Variants in PATL2 observed in about 807,000 individuals in gnomAD.
PATL2 encodes PAT1 homolog 2, also known as protein PAT1 homolog 2.
In PATL2, 73 loss-of-function variants were observed where a neutral mutation model predicts 77.0. The ratio of observed to expected loss-of-function variants is 0.95; its 90% CI spans 0.78 to 1.15. PATL2 has a LOEUF of 1.15. Among genes scored for constraint, PATL2 ranks in the 50% most tolerant of loss-of-function variants. The pLI, the probability that PATL2 is intolerant of heterozygous loss-of-function variation, is 0.00. For missense variants in PATL2, 618 were observed against 655.4 expected, an observed-to-expected ratio of 0.94 and a Z score of 0.62; for synonymous variants, 265 against 257.1, an observed-to-expected ratio of 1.03 and a Z score of -0.29.
At chr15:44,699,948 G>A (rs561892030) in intron 3 of PATL2, among the ~76,000 whole-genome samples, 1 of 152,200 alleles carries the variant, frequency 6.6e-6, no homozygotes, top group South Asian at 2.1e-4. Context: ...CTTCAGTTTT[G>A]TTCTTTTTGC....
chr15:44,673,143 CTG>C, intron 7 of PATL2, 90 bp downstream of exon 7: 1 of 1,421,562 alleles, frequency 7.0e-7, no homozygotes, highest in Non-Finnish European at 9.5e-7. Flanking sequence ...TACTAGTTTT[CTG>C]TGTTTCCCTG....
At chr15:44,696,503 A>G (rs938813035) in intron 3 of PATL2, among the ~76,000 whole-genome samples, 4 of 152,186 alleles carry the variant, frequency 2.6e-5, no homozygotes, top group African/African-American at 9.7e-5. Flanking sequence ...TCAAGCTTAT[A>G]TAATTTTCCC....
rs1442155718 is a variant in PATL2 at position 44,666,474 on chromosome 15, G to A, written c.1531C>T (p.Leu511=). The A allele has an allele frequency of 1.9e-6, 3 of 1,551,576 alleles. No individual in the cohort carries two copies. Among genetic ancestry groups the A allele is most frequent in the African/African-American group, 1.4e-5 (1 of 73,058 alleles). ...GGAAGTAGGTTGCTGGGGAAAGCTA[G>A]GGGTTCTGCCAGAGAGGCTGTAGGC... ...QMPTASLAEP[L]AFPSNLLPLF... The change falls in exon 17 of 18, where the codon CTA becomes TTA. Residue 511 remains leucine, a synonymous_variant. Coordinates refer to ENST00000682850, the MANE Select transcript of PATL2 (RefSeq NM_001387263.1).
intron 11 of PATL2, 79 bp downstream of exon 11, chr15:44,669,698 C>A: frequency 2.6e-6 from 4 of 1,515,006 alleles, no homozygotes; most frequent in Non-Finnish European, 3.6e-6. Context: ...CTTCTTCGGT[C>A]ACAGTCTTAA....
At chr15:44,676,437 G>C in intron 4 of PATL2, 38 bp downstream of exon 4, 1 of 1,506,472 alleles carries the variant, frequency 6.6e-7, no homozygotes, top group Non-Finnish European at 9.0e-7. Context: ...CTGCATGCTG[G>C]GGCATTTTAT....
intron 9 of PATL2, 103 bp downstream of exon 9, chr15:44,671,910 AAC>A: frequency 7.2e-7 from 1 of 1,388,214 alleles, no homozygotes; most frequent in Non-Finnish European, 9.7e-7. Flanking sequence ...CTCCCACCTG[AAC>A]AGACATGACC....
chr15:44,681,333 G>A (rs1346028382), intron 3 of PATL2, among the ~76,000 whole-genome samples: 1 of 152,118 alleles, frequency 6.6e-6, no homozygotes, highest in African/African-American at 2.4e-5. Flanking sequence ...TTTCTTAACT[G>A]TAAGTGCAAA....
intron 3 of PATL2, among the ~76,000 whole-genome samples, chr15:44,679,221 C>A (rs941048549): frequency 1.3e-5 from 2 of 151,804 alleles, no homozygotes; most frequent in Admixed American, 1.3e-4. Context: ...CACCACCATG[C>A]CTGGCCAATT....
rs1225339995 is a variant in PATL2 at position 44,710,224 on chromosome 15, T to C, written c.-194-10A>G. Reference sequence around the variant, plus strand: ...AAAGATTATCAAAAGCCTAAAAATATGTAAAAGAAACCTAGAAGTTATTTG... The same window carrying C: ...AAAGATTATCAAAAGCCTAAAAATACGTAAAAGAAACCTAGAAGTTATTTG... On this transcript the variant is annotated splice_polypyrimidine_tract_variant and intron_variant, in intron 2 of 17. Transcript: ENST00000682850. Among the ~76,000 whole-genome samples, 1 of 152,192 alleles carries C rather than the reference T, an allele frequency of 6.6e-6. No individual in the cohort carries two copies. Among genetic ancestry groups the C allele is most frequent in the Non-Finnish European group, 1.5e-5 (1 of 68,036 alleles).
chr15:44,672,258 G>A (rs1277094496), intron 8 of PATL2, 102 bp from the exon 9 acceptor site: 1 of 1,535,148 alleles, frequency 6.5e-7, no homozygotes. Flanking sequence ...GATGGAGCAA[G>A]CACAGAGGTG....
Position 44,675,614 on chromosome 15 carries a change from TCTC to T in PATL2, c.91_93del (p.Glu31del), listed in dbSNP as rs1449422598. The T allele has an allele frequency of 6.4e-7, 1 of 1,551,440 alleles. No individual in the cohort carries two copies. The highest frequency in any genetic ancestry group is 2.4e-5 in the East Asian group (1 of 40,904). On this transcript the variant is annotated inframe_deletion, in exon 5 of 18. Coordinates refer to ENST00000682850, the MANE Select transcript of PATL2 (RefSeq NM_001387263.1). ...TCCTCTTCCTCCTCCTCCCCTTCAT[TCTC>T]TTCTTCTTTTTCCAACTGGCAGGCA... is the stretch of plus-strand genomic sequence containing the variant.
chr15:44,670,163 C>T (rs1303929722), intron 9 of PATL2, 76 bp from the exon 10 acceptor site: 8 of 1,515,202 alleles, frequency 5.3e-6, no homozygotes, highest in Middle Eastern at 1.7e-4. Context: ...TTAAGTTTCT[C>T]AAGTGCAGCC....
In PATL2 at chr15:44,711,311, A is replaced by C; in HGVS notation, c.-545T>G. ...GCGCACCCCAGATCGGAGGGCGCCG[A>C]TGTACAGACAGCAAACTCACCCAGT... On this transcript the variant is annotated 5_prime_UTR_variant, in exon 1 of 18. Transcript: ENST00000682850. 1.6e-6 allele frequency: 1 copy of C among 618,088 alleles called. No homozygotes were observed. The allele number at this position is 618,088 out of a possible 1,614,324, so 38.3% of individuals were successfully genotyped here.
chr15:44,689,059 A>G (rs1248082691), intron 3 of PATL2, among the ~76,000 whole-genome samples: 1 of 152,256 alleles, frequency 6.6e-6, no homozygotes, highest in East Asian at 1.9e-4. Context: ...AAGGATATGA[A>G]CAAACACTTC....
At chr15:44,676,792 G>C in intron 3 of PATL2, 1 of 1,210,370 alleles carries the variant, frequency 8.3e-7, no homozygotes, top group Non-Finnish European at 1.0e-6. Context: ...GCTAGAAGCA[G>C]GAAGAGAAGT....
At chr15:44,680,848 A>G (rs2086118776) in intron 3 of PATL2, among the ~76,000 whole-genome samples, 1 of 152,184 alleles carries the variant, frequency 6.6e-6, no homozygotes, top group Non-Finnish European at 1.5e-5. Flanking sequence ...CTTTTTCTGG[A>G]CAATTGACAA....
intron 3 of PATL2, among the ~76,000 whole-genome samples, chr15:44,680,086 G>A (rs2086099935): frequency 6.6e-6 from 1 of 152,160 alleles, no homozygotes; most frequent in African/African-American, 2.4e-5. Context: ...GTCTGGGGGT[G>A]GGAAAGGCTC....
chr15:44,668,890 G>A, intron 14 of PATL2, 90 bp downstream of exon 14: 1 of 1,394,754 alleles, frequency 7.2e-7, no homozygotes, highest in Non-Finnish European at 9.5e-7. Flanking sequence ...ACCTTCTCTG[G>A]CATCTCTGGG....
At chr15:44,670,368 A>AT (rs1180710833) in intron 9 of PATL2, among the ~76,000 whole-genome samples, 1 of 151,884 alleles carries the variant, frequency 6.6e-6, no homozygotes, top group Non-Finnish European at 1.5e-5. Context: ...TAATTTTTGT[A>AT]TTTTTTGTAG....
Sources: gnomAD v4.1 joint callset for allele counts (sites outside exome capture counted in the v4.1 genomes callset) on GRCh38, gnomAD v4.1.1 for gene constraint, MANE v1.5 for transcripts, NCBI Gene and HGNC (gene_info 2026-07-23, HGNC 2026-07-21) for gene names.